NBEA: variants seen among roughly 807,000 people sequenced by gnomAD.
NBEA encodes lysosomal-trafficking regulator 2.
A neutral mutation model predicts 343.4 loss-of-function variants in NBEA; 44 were observed. The ratio of observed to expected loss-of-function variants is 0.13; its 90% CI spans 0.10 to 0.16. The LOEUF is 0.16. NBEA is among the 10% of genes least tolerant of loss of function. The pLI is 1.00. For missense variants in NBEA, 2,555 were observed against 3,631.3 expected, an observed-to-expected ratio of 0.70 and a Z score of 7.62; for synonymous variants, 1,175 against 1,238.7, an observed-to-expected ratio of 0.95 and a Z score of 1.08.
intron 1 of NBEA, among the ~76,000 whole-genome samples, chr13:34,959,308 G>A (rs1258947236): frequency 2.0e-5 from 3 of 151,990 alleles, no homozygotes; most frequent in East Asian, 1.9e-4. Context: ...TCACATGCTT[G>A]TTTCATTGCT....
Position 35,003,220 on chromosome 13 carries a change from C to T in NBEA, c.295-37713C>T, listed in dbSNP as rs563097312. On this transcript the variant is annotated intron_variant, in intron 1 of 58. Coordinates refer to ENST00000379939, the MANE Select transcript of NBEA (RefSeq NM_001385012.1). Reference sequence around the variant, plus strand: ...AAACCTCATCTCTACAAAACAAAAACCAAAAATAAAAATTAGCCTGTGTGC... The same window carrying T: ...AAACCTCATCTCTACAAAACAAAAATCAAAAATAAAAATTAGCCTGTGTGC... 2.4e-3 allele frequency among the ~76,000 whole-genome samples: 370 copies of T among 152,064 alleles called. 1 individual carries two copies. Among genetic ancestry groups the T allele is most frequent in the Non-Finnish European group, 3.1e-3 (211 of 67,952 alleles).
chr13:35,038,637 A>G (rs1405413226), intron 1 of NBEA, among the ~76,000 whole-genome samples: 1 of 152,106 alleles, frequency 6.6e-6, no homozygotes, highest in East Asian at 1.9e-4. Context: ...CTTCTGGCCC[A>G]GGGTGTATCT....
intron 40 of NBEA, among the ~76,000 whole-genome samples, chr13:35,453,181 T>G (rs1224884891): frequency 6.6e-6 from 1 of 152,216 alleles, no homozygotes; most frequent in African/African-American, 2.4e-5. Context: ...TTCTACTGGT[T>G]AGAGAGTTCT....
intron 38 of NBEA, among the ~76,000 whole-genome samples, chr13:35,411,115 CTT>C (rs2043558020): frequency 6.6e-6 from 1 of 151,972 alleles, no homozygotes; most frequent in South Asian, 2.1e-4. Context: ...TTTGATTGTG[CTT>C]TGTTTTTAGG....
At position 35,110,922 on chromosome 13, in the gene NBEA, A is replaced by G. The variant is rs2066170655; in HGVS notation, c.1946A>G (p.Tyr649Cys). ...TTACAGCTAATGCACACCTTAAAAT[A>G]TTACTACTGGGTTATTAATCCTGCT... Reference protein sequence around the residue: ...TVLQLMHTLKYYYWVINPADS... With the variant: ...TVLQLMHTLKCYYWVINPADS... Residue 649 changes from tyrosine to cysteine, a missense_variant, in exon 13 of 59, where the codon TAT (tyrosine) becomes TGT (cysteine). Around this residue, in one of 21 missense-constraint regions of NBEA, gnomAD observed 360 missense variants for 519.1 expected, o/e 0.69. Coordinates refer to ENST00000379939, the MANE Select transcript of NBEA (RefSeq NM_001385012.1). The G allele has an allele frequency of 6.2e-7, 1 of 1,612,502 alleles. No homozygotes were observed. The highest frequency in any genetic ancestry group is 8.5e-7 in the Non-Finnish European group (1 of 1,178,810).
chr13:34,976,654 G>GT (rs766823932), intron 1 of NBEA, among the ~76,000 whole-genome samples: 3,734 of 127,702 alleles, frequency 0.029, 90 homozygotes, highest in African/African-American at 0.058. Flanking sequence ...TTTGTTTTTT[G>GT]TTTTTTTTTT....
intron 34 of NBEA, among the ~76,000 whole-genome samples, chr13:35,281,805 G>A (rs2035070646): frequency 6.6e-6 from 1 of 151,902 alleles, no homozygotes; most frequent in African/African-American, 2.4e-5. Flanking sequence ...ATTTATTTGA[G>A]AATTTAAATA....
chr13:35,475,040 C>T, intron 41 of NBEA: 3 of 1,601,596 alleles, frequency 1.9e-6, no homozygotes, highest in Non-Finnish European at 2.6e-6. Context: ...ATAATTTCGG[C>T]TCTTGATTAA....
At chr13:35,006,889 A>AT (rs1435746689) in intron 1 of NBEA, among the ~76,000 whole-genome samples, 1 of 152,200 alleles carries the variant, frequency 6.6e-6, no homozygotes, top group Non-Finnish European at 1.5e-5. Context: ...AATAGCTGGG[A>AT]TTACAGGCAT....
chr13:35,509,752 A>G (rs1423362150), intron 41 of NBEA, among the ~76,000 whole-genome samples: 1 of 152,186 alleles, frequency 6.6e-6, no homozygotes, highest in Non-Finnish European at 1.5e-5. Flanking sequence ...AAGTCAAGAA[A>G]AGCGTTTCAA....
intron 1 of NBEA, among the ~76,000 whole-genome samples, chr13:35,004,306 G>T (rs1046781119): frequency 1.3e-5 from 2 of 152,158 alleles, no homozygotes; most frequent in Admixed American, 1.3e-4. Flanking sequence ...GAATGGGATT[G>T]CTGGGTCAAA....
chr13:35,009,442 G>A (rs984599655), intron 1 of NBEA, among the ~76,000 whole-genome samples: 2 of 152,104 alleles, frequency 1.3e-5, no homozygotes, highest in Non-Finnish European at 2.9e-5. Context: ...TTAACTGAAG[G>A]GAGAGAGCCA....
chr13:34,983,381 C>T (rs1412457007), intron 1 of NBEA, among the ~76,000 whole-genome samples: 6 of 152,074 alleles, frequency 3.9e-5, no homozygotes, highest in Non-Finnish European at 7.4e-5. Flanking sequence ...GCATAGTATC[C>T]CATGGTGTAT....
intron 34 of NBEA, among the ~76,000 whole-genome samples, chr13:35,265,047 G>A (rs1203172437): frequency 4.6e-5 from 7 of 151,804 alleles, no homozygotes; most frequent in African/African-American, 9.7e-5. Flanking sequence ...GTTGCAGAAC[G>A]CAAATCAATA....
chr13:35,509,355 G>A (rs868134342), intron 41 of NBEA, among the ~76,000 whole-genome samples: 1 of 152,152 alleles, frequency 6.6e-6, no homozygotes, highest in Non-Finnish European at 1.5e-5. Context: ...CAGGTCATGT[G>A]AGGCAGGTGT....
At chr13:35,151,878 G>A (rs917582079) in intron 18 of NBEA, among the ~76,000 whole-genome samples, 1 of 151,970 alleles carries the variant, frequency 6.6e-6, no homozygotes, top group African/African-American at 2.4e-5. Context: ...TAAATTATGA[G>A]TAATTATGTT....
intron 38 of NBEA, among the ~76,000 whole-genome samples, chr13:35,392,070 T>C (rs934017631): frequency 2.0e-5 from 3 of 152,124 alleles, no homozygotes; most frequent in Admixed American, 6.6e-5. Flanking sequence ...AAGCACGCTG[T>C]TTCTCTTAGA....
chr13:35,455,847 C>T (rs1201473928), intron 40 of NBEA, among the ~76,000 whole-genome samples: 1 of 151,900 alleles, frequency 6.6e-6, no homozygotes, highest in African/African-American at 2.4e-5. Context: ...TAATATATTT[C>T]CTTGCAAATA....
At chr13:35,105,435 T>C (rs1291752895) in intron 11 of NBEA, among the ~76,000 whole-genome samples, 1 of 152,062 alleles carries the variant, frequency 6.6e-6, no homozygotes, top group Non-Finnish European at 1.5e-5. Context: ...ATATCTCTGC[T>C]GTACCAGCTA....
Sources: gnomAD v4.1 joint callset for allele counts (sites outside exome capture counted in the v4.1 genomes callset) on GRCh38, gnomAD v4.1.1 for gene constraint, gnomAD v4.1.1 regional missense constraint, MANE v1.5 for transcripts, NCBI Gene and HGNC (gene_info 2026-07-23, HGNC 2026-07-21) for gene names.